Variants in PKN2 observed in about 807,000 individuals in gnomAD.
The protein encoded by PKN2 is protein kinase N2.
PKN2 carries 38 observed loss-of-function variants against 119.1 expected under a neutral mutation model. That is an observed-to-expected ratio of 0.32 (90% CI 0.25 to 0.42). The LOEUF (loss-of-function observed/expected upper bound fraction) is 0.42, where lower values mean the gene tolerates loss of function less well. Ranked by LOEUF, PKN2 falls within the 10% of genes least tolerant of loss-of-function variation. The pLI is 1.00. For synonymous variants in PKN2, 390 were observed against 384.9 expected (o/e 1.01, Z -0.15); for missense variants, 850 against 1,165.1 (o/e 0.73, Z 3.94).
chr1:88,741,482 G>A (rs1329268471), intron 2 of PKN2, among the ~76,000 whole-genome samples, 194 bp downstream of exon 2: 1 of 152,038 alleles, frequency 6.6e-6, no homozygotes, highest in East Asian at 1.9e-4. Flanking sequence ...AAATTGAAAT[G>A]TTTACTTAGA....
intron 4 of PKN2, among the ~76,000 whole-genome samples, chr1:88,770,827 C>T (rs12071468): frequency 2.7e-3 from 408 of 150,922 alleles, no homozygotes; most frequent in African/African-American, 9.3e-3. Context: ...CCTCGTGATC[C>T]GCCCGCCTCG....
At chr1:88,826,766 T>G (rs990794002) in intron 18 of PKN2, among the ~76,000 whole-genome samples, 4 of 152,188 alleles carry the variant, frequency 2.6e-5, no homozygotes, top group African/African-American at 9.6e-5. Context: ...TAGAGCCTGA[T>G]ATTAACCACT....
chr1:88,782,800 C>T (rs1426304798), intron 6 of PKN2, among the ~76,000 whole-genome samples: 2 of 152,140 alleles, frequency 1.3e-5, no homozygotes, highest in Non-Finnish European at 2.9e-5. Context: ...TAATTTGTAA[C>T]GCAACCATAG....
chr1:88,817,097 A>G (rs559096353), intron 16 of PKN2, among the ~76,000 whole-genome samples: 2 of 152,228 alleles, frequency 1.3e-5, no homozygotes, highest in East Asian at 3.9e-4. Flanking sequence ...ACACCACAAA[A>G]AAAGAAAATT....
At chr1:88,751,882 C>T (rs961337698) in intron 2 of PKN2, among the ~76,000 whole-genome samples, 4 of 152,064 alleles carry the variant, frequency 2.6e-5, no homozygotes, top group Non-Finnish European at 4.4e-5. Flanking sequence ...ACTGTTATTT[C>T]GTGGTTGTCT....
At chr1:88,785,106 C>A (rs1396267345) in intron 7 of PKN2, among the ~76,000 whole-genome samples, 1 of 152,068 alleles carries the variant, frequency 6.6e-6, no homozygotes, top group Non-Finnish European at 1.5e-5. Flanking sequence ...AGCTATGAGA[C>A]TGGTCCTTCT....
chr1:88,770,130 CA>C (rs1377758095), intron 3 of PKN2, among the ~76,000 whole-genome samples: 1 of 152,100 alleles, frequency 6.6e-6, no homozygotes, highest in Non-Finnish European at 1.5e-5. Context: ...CCTTTTCTCC[CA>C]AATTGTCTTA....
intron 1 of PKN2, among the ~76,000 whole-genome samples, chr1:88,689,810 CAA>C (rs61370745): frequency 0.019 from 2,943 of 152,002 alleles, 91 homozygotes; most frequent in African/African-American, 0.066. Flanking sequence ...GAACCTGTCT[CAA>C]AGAAAAGTGC....
At position 88,805,893 on chromosome 1, in the gene PKN2, A is replaced by T. The variant is rs1280246737; in HGVS notation, c.1679A>T (p.Asp560Val). The T allele has an allele frequency of 1.2e-6, 2 of 1,613,964 alleles. No homozygotes were observed. The highest frequency in any genetic ancestry group is 1.7e-5 in the Admixed American group (1 of 59,984). ...TGAGTTACTTTATCTTCTATAAGTG[A>T]TTCTACAGTAACCAAATTGGACTTT... ...RIPQLAPPASDSTVTKLDFDL... is the reference protein window; with the variant it reads ...RIPQLAPPASVSTVTKLDFDL... Residue 560 changes from aspartate to valine, a missense_variant and splice_region_variant, in exon 12 of 22, where the codon GAT becomes GTT. Physicochemically the swap from Asp to Val is radical, Grantham distance 152. This residue lies in a region of PKN2 where 216 missense variants were observed against 252.8 expected (regional missense o/e 0.85). Coordinates refer to ENST00000370521, the MANE Select transcript of PKN2 (RefSeq NM_006256.4).
chr1:88,706,773 T>G lies in PKN2; in HGVS notation c.48+22145T>G, dbSNP rs559977133. Among the ~76,000 whole-genome samples the G allele has an allele frequency of 5.9e-5, 9 of 152,294 alleles. No individual in the cohort carries two copies. The East Asian group carries it at 1.5e-3, about 26-fold the overall frequency. ...TAGCATCATTGCACAGTTTTTGATA[T>G]GTTTTCATTTTCATTCAGTTCAGAA... On this transcript the variant is annotated intron_variant, in intron 1 of 21. Coordinates refer to ENST00000370521, the MANE Select transcript of PKN2 (RefSeq NM_006256.4).
chr1:88,727,626 G>A (rs994960003), intron 1 of PKN2, among the ~76,000 whole-genome samples: 1 of 152,088 alleles, frequency 6.6e-6, no homozygotes, highest in Non-Finnish European at 1.5e-5. Flanking sequence ...TGACCTGTGG[G>A]CTACATGTGT....
chr1:88,803,726 T>C (rs1457965426), intron 8 of PKN2, among the ~76,000 whole-genome samples: 1 of 152,222 alleles, frequency 6.6e-6, no homozygotes, highest in Non-Finnish European at 1.5e-5. Context: ...AACATTCAAA[T>C]TCTTGCTAAT....
At chr1:88,685,442 C>T (rs1253413705) in intron 1 of PKN2, among the ~76,000 whole-genome samples, 2 of 152,132 alleles carry the variant, frequency 1.3e-5, no homozygotes, top group Non-Finnish European at 2.9e-5. Context: ...TTGGGCACCA[C>T]ATGTCTGCAA....
At chr1:88,765,749 C>T (rs1448851312) in intron 3 of PKN2, among the ~76,000 whole-genome samples, 2 of 152,172 alleles carry the variant, frequency 1.3e-5, no homozygotes, top group African/African-American at 4.8e-5. Context: ...ATTATAATGA[C>T]TCGGGAAACC....
At chr1:88,779,715 A>G (rs980348328) in intron 6 of PKN2, among the ~76,000 whole-genome samples, 2 of 152,244 alleles carry the variant, frequency 1.3e-5, no homozygotes. Context: ...TGCATAGCAT[A>G]CTATCACATT....
At chr1:88,716,130 T>C (rs186710152) in intron 1 of PKN2, among the ~76,000 whole-genome samples, 2 of 152,384 alleles carry the variant, frequency 1.3e-5, no homozygotes, top group Non-Finnish European at 2.9e-5. Context: ...TCCTGAGTTC[T>C]AATCTGATTG....
intron 1 of PKN2, among the ~76,000 whole-genome samples, 183 bp from the exon 2 acceptor site, chr1:88,740,805 A>T (rs1668547344): frequency 6.6e-6 from 1 of 152,112 alleles, no homozygotes; most frequent in African/African-American, 2.4e-5. Context: ...TCTTGAATTT[A>T]TGATTTTGTA....
intron 8 of PKN2, among the ~76,000 whole-genome samples, chr1:88,788,253 G>T (rs1316204830): frequency 3.3e-5 from 5 of 152,148 alleles, no homozygotes; most frequent in African/African-American, 1.2e-4. Flanking sequence ...GAGCTTCAGT[G>T]TTCTGCAGAA....
intron 16 of PKN2, among the ~76,000 whole-genome samples, chr1:88,815,717 A>C (rs1359695929): frequency 1.3e-5 from 2 of 152,246 alleles, no homozygotes; most frequent in African/African-American, 4.8e-5. Context: ...AAAATATCTT[A>C]AGGCTTGATT....
Sources: allele counts gnomAD v4.1 joint callset (sites outside exome capture counted in the v4.1 genomes callset), GRCh38; gene constraint gnomAD v4.1.1; regional missense constraint gnomAD v4.1.1; transcripts MANE v1.5; gene names NCBI Gene and HGNC (gene_info 2026-07-23, HGNC 2026-07-21).